Variants in ALOXE3 observed in about 807,000 individuals in gnomAD.
ALOXE3 encodes the protein hydroperoxide isomerase ALOXE3.
ALOXE3 carries 78 observed loss-of-function variants against 87.5 expected under a neutral mutation model. The observed-to-expected ratio is 0.89, with a 90% CI of 0.74 to 1.08. The LOEUF is 1.08. ALOXE3 is among the 50% of genes least tolerant of loss of function. The probability of loss-of-function intolerance (pLI) is 0.00; values close to 1 mark genes in which losing one functional copy is unlikely to be tolerated. For missense variants in ALOXE3, 946 were observed against 912.4 expected (o/e 1.04, Z -0.47); for synonymous variants, 363 against 370.8 (o/e 0.98, Z 0.24).
Position 8,111,402 on chromosome 17 carries a change from G to T in ALOXE3, c.914C>A (p.Ala305Asp). Residue 305 changes from alanine (A) to aspartate (D), a missense_variant, in exon 8 of 16, where the codon GCC becomes GAC. By Grantham distance (126) the Ala-to-Asp change is moderately radical (BLOSUM62 -2). Transcript: ENST00000448843. ...SKLPVTNDMV[A>D]PLLGQDTCLQ... Reference sequence around the variant, plus strand: ...GCATGTGTCCTGTCCCAGCAAGGGGGCCACCATGTCATTGGTGACAGGCAG... The same window carrying T: ...GCATGTGTCCTGTCCCAGCAAGGGGTCCACCATGTCATTGGTGACAGGCAG... 6.2e-7 allele frequency: 1 copy of T among 1,613,880 alleles called. No homozygotes were observed.
intron 2 of ALOXE3, 117 bp downstream of exon 2, chr17:8,117,727 G>A: frequency 6.5e-7 from 1 of 1,531,762 alleles, no homozygotes. Flanking sequence ...GGAAGGTGAG[G>A]AGGTCAGGGC....
chr17:8,098,775 T>G, intron 15 of ALOXE3, among the ~76,000 whole-genome samples: 1 of 152,184 alleles, frequency 6.6e-6, no homozygotes, highest in Non-Finnish European at 1.5e-5. Context: ...GTTATTGTTT[T>G]ATTATTCACT....
intron 11 of ALOXE3, among the ~76,000 whole-genome samples, chr17:8,109,577 C>A (rs2151838458): frequency 6.6e-6 from 1 of 152,212 alleles, no homozygotes; most frequent in East Asian, 1.9e-4. Context: ...GAACTGAAAG[C>A]CGGGGAGCCT....
chr17:8,096,458 C>A lies in ALOXE3; in HGVS notation c.*169G>T. 3.1e-6 allele frequency: 2 copies of A among 652,408 alleles called. No individual in the cohort carries two copies. The highest frequency in any genetic ancestry group is 5.6e-6 in the Non-Finnish European group (2 of 358,544). The allele number at this position is 652,408 out of a possible 1,614,324, so 40.4% of individuals were successfully genotyped here. A position where few individuals can be genotyped will look rare whatever the true frequency, so the allele number is the denominator to read the frequency against. On this transcript the variant is annotated 3_prime_UTR_variant, in exon 16 of 16. Transcript: ENST00000448843. ...TGTGCTGGTCTCTCACAGCTCAGGG[C>A]CCAGTTTGTATGATGTCAGAGCCAT...
chr17:8,118,304 C>T lies in ALOXE3; in HGVS notation c.-313-1G>A. The T allele has an allele frequency of 1.3e-6, 2 of 1,551,806 alleles. No homozygotes were observed. The highest frequency in any genetic ancestry group is 1.7e-6 in the Non-Finnish European group (2 of 1,147,022). On this transcript the variant is annotated splice_acceptor_variant, in intron 1 of 15. Transcript: ENST00000448843. LOFTEE classifies it low-confidence loss of function (5UTR_SPLICE). ...ATGGATATCAGGAGCCTGGGTTCCA[C>T]TGCGGAGGGAGGGATCAGATGCTGA... is the stretch of plus-strand genomic sequence containing the variant.
In ALOXE3 at chr17:8,116,817, C is replaced by T; in HGVS notation, c.311G>A (p.Trp104Ter). 6.2e-7 allele frequency: 1 copy of T among 1,614,218 alleles called. No individual in the cohort carries two copies. The highest frequency in any genetic ancestry group is 8.5e-7 in the Non-Finnish European group (1 of 1,180,038). The change falls in exon 3 of 16, where the codon TGG becomes TAG. Residue 104 changes from tryptophan (W) to a stop codon, truncating the protein, a stop_gained. Coordinates refer to ENST00000448843, the MANE Select transcript of ALOXE3 (RefSeq NM_021628.3). LOFTEE classifies it high-confidence loss of function. ...CTCCACGGTGCAGTAGCCTTCAATCCACTGATAGCAGGGGAAGTGGGATAC... is the reference window on the plus strand; with the variant it reads ...CTCCACGGTGCAGTAGCCTTCAATCTACTGATAGCAGGGGAAGTGGGATAC... ...GSVSHFPCYQ[W>*]IEGYCTVELR... is the part of the protein sequence containing the mutation.
At chr17:8,101,561 A>G (rs1170419749) in intron 15 of ALOXE3, among the ~76,000 whole-genome samples, 1 of 152,198 alleles carries the variant, frequency 6.6e-6, no homozygotes, top group Non-Finnish European at 1.5e-5. Flanking sequence ...CAGGACCCAG[A>G]GTCCTGCCAT....
At chr17:8,114,849 C>T in intron 5 of ALOXE3, 89 bp downstream of exon 5, 1 of 1,578,930 alleles carries the variant, frequency 6.3e-7, no homozygotes, top group South Asian at 1.1e-5. Context: ...TAGACCCCTA[C>T]CCCTCCTTCC....
intron 1 of ALOXE3, 81 bp from the exon 2 acceptor site, chr17:8,118,384 C>T (rs1275914948): frequency 3.9e-6 from 6 of 1,551,342 alleles, no homozygotes; most frequent in Non-Finnish European, 5.2e-6. Context: ...TCCGCCTGGT[C>T]AGCGGCCCGG....
chr17:8,099,652 C>T (rs1165926932), intron 15 of ALOXE3, among the ~76,000 whole-genome samples: 1 of 147,662 alleles, frequency 6.8e-6, no homozygotes, highest in Admixed American at 6.7e-5. Flanking sequence ...CGGAGTGAGA[C>T]TCTGTCTCAA....
intron 6 of ALOXE3, among the ~76,000 whole-genome samples, chr17:8,113,222 C>T (rs1429339134): frequency 6.6e-6 from 1 of 152,178 alleles, no homozygotes; most frequent in Non-Finnish European, 1.5e-5. Flanking sequence ...CTCATCATTT[C>T]CCACATTGTA....
chr17:8,108,426 G>T, intron 13 of ALOXE3, 42 bp downstream of exon 13: 1 of 1,607,538 alleles, frequency 6.2e-7, no homozygotes, highest in Non-Finnish European at 8.5e-7. Context: ...GCAAGTGCTA[G>T]CTCATCAGAG....
chr17:8,099,384 G>A (rs574989893), intron 15 of ALOXE3, among the ~76,000 whole-genome samples: 14 of 152,112 alleles, frequency 9.2e-5, no homozygotes, highest in South Asian at 8.3e-4. Flanking sequence ...ACTACCAGCC[G>A]GGCGCGGAGG....
chr17:8,110,331 G>C (rs1979946789), intron 9 of ALOXE3, 36 bp from the exon 10 acceptor site: 2 of 1,610,868 alleles, frequency 1.2e-6, no homozygotes, highest in Non-Finnish European at 1.7e-6. Context: ...ATGGGGCTCC[G>C]GGCTGGCGGT....
Position 8,115,851 on chromosome 17 carries a change from G to A in ALOXE3, c.353-163C>T, listed in dbSNP as rs556366810. On this transcript the variant is annotated intron_variant, in intron 3 of 15. Coordinates refer to ENST00000448843, the MANE Select transcript of ALOXE3 (RefSeq NM_021628.3). The stretch of plus-strand genomic sequence containing the variant: ...TCTTTGTGTATTCATCAGTAGAAGG[G>A]ATTCAAGACAGCTTCACCCCCAAAT... Among the ~76,000 whole-genome samples the A allele has an allele frequency of 2.2e-3, 340 of 152,344 alleles. 2 individuals are homozygous for A. Among genetic ancestry groups the A allele is most frequent in the African/African-American group, 7.7e-3 (321 of 41,586 alleles).
At chr17:8,109,394 G>C (rs1598207994) in intron 11 of ALOXE3, 51 bp from the exon 12 acceptor site, 1 of 1,601,942 alleles carries the variant, frequency 6.2e-7, no homozygotes, top group African/African-American at 1.3e-5. Context: ...CCCCACCCTA[G>C]TGTCTGGGCA....
Position 8,118,241 on chromosome 17 carries a change from CCT to C in ALOXE3, c.-253_-252del. The C allele has an allele frequency of 6.4e-7, 1 of 1,551,712 alleles. No homozygotes were observed. Among genetic ancestry groups the C allele is most frequent in the Non-Finnish European group, 8.7e-7 (1 of 1,147,016 alleles). ...TTGCACTCTAATACTTGTTTGCTTG[CCT>C]CTGACACAGCCGGTCCCTCTGGCTG... On this transcript the variant is annotated 5_prime_UTR_variant, in exon 2 of 16. Transcript: ENST00000448843.
intron 8 of ALOXE3, among the ~76,000 whole-genome samples, chr17:8,110,922 T>C (rs1054956826): frequency 2.6e-5 from 4 of 152,214 alleles, no homozygotes; most frequent in Admixed American, 2.0e-4. Context: ...GCCTGAGGGC[T>C]TGACTGCCCC....
intron 13 of ALOXE3, among the ~76,000 whole-genome samples, chr17:8,104,599 T>G (rs1254234482): frequency 6.6e-6 from 1 of 152,224 alleles, no homozygotes. Flanking sequence ...AACCATCCTC[T>G]GCTGGGCTTA....
Sources: gnomAD v4.1 joint callset for allele counts (sites outside exome capture counted in the v4.1 genomes callset) on GRCh38, gnomAD v4.1.1 for gene constraint, MANE v1.5 for transcripts, NCBI Gene and HGNC (gene_info 2026-07-23, HGNC 2026-07-21) for gene names.